The following SEMA3A variants were observed in gnomAD, a reference collection of about 807,000 sequenced individuals.
The protein encoded by SEMA3A is semaphorin 3A.
A neutral mutation model predicts 97.9 loss-of-function variants in SEMA3A; 29 were observed. The observed-to-expected ratio is 0.30, with a 90% CI of 0.22 to 0.40. The LOEUF (loss-of-function observed/expected upper bound fraction) is 0.40, where lower values mean the gene tolerates loss of function less well. Among genes scored for constraint, SEMA3A ranks in the 10% least tolerant of loss-of-function variants. The probability of loss-of-function intolerance (pLI) is 1.00; values close to 1 mark genes in which losing one functional copy is unlikely to be tolerated. For synonymous variants in SEMA3A, 321 were observed against 323.7 expected (o/e 0.99, Z 0.09); for missense variants, 763 against 951.3 (o/e 0.80, Z 2.60).
At chr7:84,416,808 T>G (rs1804448368) in intron 1 of SEMA3A, among the ~76,000 whole-genome samples, 1 of 152,130 alleles carries the variant, frequency 6.6e-6, no homozygotes, top group African/African-American at 2.4e-5. Context: ...TCTTTGAAAT[T>G]GGACAGATAT....
intron 4 of SEMA3A, among the ~76,000 whole-genome samples, chr7:84,090,149 A>G (rs963583460): frequency 6.6e-6 from 1 of 152,124 alleles, no homozygotes; most frequent in Admixed American, 6.6e-5. Flanking sequence ...TTTATGTTGC[A>G]GTGGAGGAGT....
intron 4 of SEMA3A, among the ~76,000 whole-genome samples, chr7:84,104,197 G>A (rs879819218): frequency 2.6e-5 from 4 of 151,914 alleles, no homozygotes; most frequent in Non-Finnish European, 4.4e-5. Context: ...TGCTCACTTC[G>A]GCAGCACATA....
intron 1 of SEMA3A, among the ~76,000 whole-genome samples, chr7:84,444,417 A>G (rs1016839904): frequency 3.3e-5 from 5 of 152,104 alleles, no homozygotes; most frequent in Non-Finnish European, 5.9e-5. Flanking sequence ...GGTATTGGTC[A>G]TATTTCTACT....
intron 5 of SEMA3A, among the ~76,000 whole-genome samples, chr7:84,055,473 G>T (rs549698919): frequency 2.6e-5 from 4 of 152,022 alleles, no homozygotes; most frequent in African/African-American, 9.7e-5. Flanking sequence ...TTTTCCAGGT[G>T]CCATCCGTCA....
chr7:84,237,576 A>G (rs10257450), intron 3 of SEMA3A, among the ~76,000 whole-genome samples: 1 of 152,128 alleles, frequency 6.6e-6, no homozygotes, highest in Non-Finnish European at 1.5e-5. Flanking sequence ...CATCTCTTAT[A>G]CTGTGACAAG....
At chr7:84,383,672 A>T (rs2116149628) in intron 1 of SEMA3A, among the ~76,000 whole-genome samples, 1 of 152,308 alleles carries the variant, frequency 6.6e-6, no homozygotes, top group African/African-American at 2.4e-5. Context: ...TGTAAAAGGT[A>T]TTTTAACCAG....
intron 6 of SEMA3A, among the ~76,000 whole-genome samples, chr7:84,015,429 AC>A (rs1159732388): frequency 6.6e-6 from 1 of 152,250 alleles, no homozygotes; most frequent in Admixed American, 6.5e-5. Flanking sequence ...GTATTTTTGA[AC>A]GTTCCTGGGT....
intron 1 of SEMA3A, among the ~76,000 whole-genome samples, chr7:84,376,071 G>A (rs1230036030): frequency 1.3e-5 from 2 of 152,082 alleles, no homozygotes; most frequent in Admixed American, 6.6e-5. Context: ...TATATTAATA[G>A]ACCAGTTTTT....
At chr7:84,029,995 A>C (rs923025512) in intron 6 of SEMA3A, among the ~76,000 whole-genome samples, 1 of 152,168 alleles carries the variant, frequency 6.6e-6, no homozygotes, top group Non-Finnish European at 1.5e-5. Flanking sequence ...TCAATATAAA[A>C]GAAAATTAAG....
intron 1 of SEMA3A, among the ~76,000 whole-genome samples, chr7:84,154,256 G>C (rs560308150): frequency 6.6e-6 from 1 of 152,172 alleles, no homozygotes; most frequent in East Asian, 1.9e-4. Flanking sequence ...GTAAAGCTGG[G>C]ATGCCAAAAT....
intron 2 of SEMA3A, among the ~76,000 whole-genome samples, chr7:84,349,775 T>TGTTA (rs1802390521): frequency 6.6e-6 from 1 of 152,192 alleles, no homozygotes; most frequent in Non-Finnish European, 1.5e-5. Context: ...TAAACCTTAT[T>TGTTA]GTTAGCTTGT....
chr7:84,328,096 A>G (rs937700849), intron 2 of SEMA3A, among the ~76,000 whole-genome samples: 5 of 151,988 alleles, frequency 3.3e-5, no homozygotes, highest in Admixed American at 6.6e-5. Flanking sequence ...GTTGGAGTGC[A>G]TATAATTTCT....
chr7:84,185,449 A>T (rs911353590), intron 1 of SEMA3A, among the ~76,000 whole-genome samples: 11 of 152,042 alleles, frequency 7.2e-5, no homozygotes, highest in Admixed American at 1.3e-4. Flanking sequence ...AGGTGGGCAG[A>T]TCATCTGAGG....
intron 15 of SEMA3A, among the ~76,000 whole-genome samples, chr7:83,970,677 G>A (rs1280228349): frequency 1.3e-5 from 2 of 152,152 alleles, no homozygotes; most frequent in Non-Finnish European, 2.9e-5. Flanking sequence ...TTTAGGAGAT[G>A]GGTAAATGAA....
chr7:84,084,879 T>G (rs1794282436), intron 4 of SEMA3A, among the ~76,000 whole-genome samples: 1 of 152,110 alleles, frequency 6.6e-6, no homozygotes. Flanking sequence ...AGCTAGCTCT[T>G]GTTTATTTGA....
intron 4 of SEMA3A, among the ~76,000 whole-genome samples, chr7:84,064,198 A>C (rs1438102442): frequency 6.6e-6 from 1 of 151,762 alleles, no homozygotes; most frequent in Non-Finnish European, 1.5e-5. Context: ...GAAATAAAAT[A>C]CTTTACAGAC....
chr7:84,370,761 G>A (rs538100446), intron 2 of SEMA3A, among the ~76,000 whole-genome samples: 2 of 151,666 alleles, frequency 1.3e-5, no homozygotes, highest in Admixed American at 6.6e-5. Flanking sequence ...GTTGTAAGAT[G>A]TAAAGTTTCT....
chr7:84,100,362 G>T (rs1794922837), intron 4 of SEMA3A, among the ~76,000 whole-genome samples: 1 of 152,086 alleles, frequency 6.6e-6, no homozygotes, highest in South Asian at 2.1e-4. Flanking sequence ...AAAGGTGCAG[G>T]TTCTGGATTC....
At chr7:84,311,076 TTAAG>T (rs1192012463) in intron 2 of SEMA3A, among the ~76,000 whole-genome samples, 3 of 151,650 alleles carry the variant, frequency 2.0e-5, no homozygotes, top group African/African-American at 7.3e-5. Flanking sequence ...TCATGCAAAT[TTAAG>T]TAATTTCAAA....
Sources: gnomAD v4.1 joint callset for allele counts (sites outside exome capture counted in the v4.1 genomes callset) on GRCh38, gnomAD v4.1.1 for gene constraint, MANE v1.5 for transcripts, NCBI Gene and HGNC (gene_info 2026-07-23, HGNC 2026-07-21) for gene names.